The following GIMAP8 variants were observed in gnomAD, a reference collection of about 807,000 sequenced individuals.
The protein encoded by GIMAP8 is GTPase, IMAP family member 8, also known as GTPase IMAP family member 8.
A neutral mutation model predicts 35.6 loss-of-function variants in GIMAP8; 29 were observed. The ratio of observed to expected loss-of-function variants is 0.81; its 90% CI spans 0.61 to 1.11. The LOEUF is 1.11. Among genes scored for constraint, GIMAP8 ranks in the 50% most tolerant of loss-of-function variants. The pLI is 0.00. For synonymous variants in GIMAP8, 335 were observed against 308.7 expected (o/e 1.09, Z -0.89); for missense variants, 811 against 805.0 (o/e 1.01, Z -0.09).
intron 1 of GIMAP8, among the ~76,000 whole-genome samples, chr7:150,458,797 C>T (rs1801782374): frequency 6.6e-6 from 1 of 152,092 alleles, no homozygotes; most frequent in South Asian, 2.1e-4. Context: ...GTTAACCATA[C>T]TTAAATATTA....
Position 150,472,128 on chromosome 7 carries a change from T to C in GIMAP8, c.682+1254T>C, listed in dbSNP as rs1802107259. 6.6e-6 allele frequency among the ~76,000 whole-genome samples: 1 copy of C among 152,086 alleles called. No homozygotes were observed. The highest frequency in any genetic ancestry group is 2.1e-4 in the South Asian group (1 of 4,812). On this transcript the variant is annotated intron_variant, in intron 3 of 4. Transcript: ENST00000307271. This position sits in a 1 kb window ranked among gnomAD's most constrained non-coding sequence, Gnocchi z 4.1. ...GAACAAAAGTGCGTTTATTGACCTG[T>C]GGCTGTGAGGGCCCAGCACACCATG... is the stretch of plus-strand genomic sequence containing the variant.
rs992638461 is a variant in GIMAP8, at chr7:150,472,052, A to C, written c.682+1178A>C. Among the ~76,000 whole-genome samples the C allele has an allele frequency of 1.7e-3, 265 of 152,330 alleles. No homozygotes were observed. Among genetic ancestry groups the C allele is most frequent in the African/African-American group, 5.8e-3 (241 of 41,574 alleles). On this transcript the variant is annotated intron_variant, in intron 3 of 4. Coordinates refer to ENST00000307271, the MANE Select transcript of GIMAP8 (RefSeq NM_175571.4). The surrounding 1 kb of genome is among the most constrained non-coding windows in gnomAD (Gnocchi z 4.1). ...ACGTGTACTCAGGCAGAAGGGTTTCAAAATTCTGGCAATGCCCTTTGGCCG... is the reference window on the plus strand; with the variant it reads ...ACGTGTACTCAGGCAGAAGGGTTTCCAAATTCTGGCAATGCCCTTTGGCCG...
At chr7:150,473,298 C>G (rs1802136468) in intron 3 of GIMAP8, among the ~76,000 whole-genome samples, 2 of 151,998 alleles carry the variant, frequency 1.3e-5, no homozygotes, top group South Asian at 4.1e-4. Context: ...ACGATTTACA[C>G]AGAGTAAAAT....
intron 1 of GIMAP8, among the ~76,000 whole-genome samples, chr7:150,453,327 G>A: frequency 6.6e-6 from 1 of 152,198 alleles, no homozygotes; most frequent in African/African-American, 2.4e-5. Context: ...GAGGTTCTGA[G>A]GTGTCTGAAG....
Position 150,466,919 on chromosome 7 carries a change from C to G in GIMAP8, c.221C>G (p.Ala74Gly), listed in dbSNP as rs1801974775. The G allele has an allele frequency of 6.2e-7, 1 of 1,614,088 alleles. No homozygotes were observed. The highest frequency in any genetic ancestry group is 1.3e-5 in the African/African-American group (1 of 74,934). The change falls in exon 2 of 5, where the codon GCT becomes GGT. Residue 74 changes from alanine to glycine, a missense_variant. Ala to Gly is a moderately conservative substitution (Grantham distance 60). Coordinates refer to ENST00000307271, the MANE Select transcript of GIMAP8 (RefSeq NM_175571.4). ...ACCCCTGACCTTTTCTCCTCAATAG[C>G]TTGTGCTGAAGACAAGCAACGCAAC... ...IDTPDLFSSI[A>G]CAEDKQRNIQ...
At chr7:150,453,780 A>C (rs549258810) in intron 1 of GIMAP8, among the ~76,000 whole-genome samples, 103 of 152,050 alleles carry the variant, frequency 6.8e-4, no homozygotes, top group African/African-American at 2.4e-3. Flanking sequence ...GTGAAGGGTG[A>C]CAGTAGTGGG....
At chr7:150,455,565 G>A (rs1476983238) in intron 1 of GIMAP8, among the ~76,000 whole-genome samples, 1 of 152,172 alleles carries the variant, frequency 6.6e-6, no homozygotes, top group African/African-American at 2.4e-5. Context: ...GAGGAATCAT[G>A]GACTATTTAG....
At chr7:150,475,223 T>A (rs1215069810) in intron 4 of GIMAP8, among the ~76,000 whole-genome samples, 6 of 152,224 alleles carry the variant, frequency 3.9e-5, no homozygotes, top group African/African-American at 7.2e-5. Context: ...TCATTCTTTT[T>A]TATGGCTGCC....
intron 1 of GIMAP8, among the ~76,000 whole-genome samples, chr7:150,461,959 A>G (rs2116596151): frequency 6.6e-6 from 1 of 152,328 alleles, no homozygotes; most frequent in South Asian, 2.1e-4. Context: ...CCGAAAAAGG[A>G]GTCAGCAAAG....
intron 2 of GIMAP8, among the ~76,000 whole-genome samples, chr7:150,470,200 GATGGTTGAGGGTGTCA>G (rs1802057001): frequency 6.6e-6 from 1 of 152,156 alleles, no homozygotes; most frequent in African/African-American, 2.4e-5. Context: ...CAGGGAGAGG[GATGGTTGAGGGTGTCA>G]ATGATATTGG....
At chr7:150,474,703 A>G in intron 4 of GIMAP8, 65 bp downstream of exon 4, 1 of 1,040,438 alleles carries the variant, frequency 9.6e-7, no homozygotes. Flanking sequence ...AAAATATATA[A>G]GAACTTTTTA....
intron 4 of GIMAP8, among the ~76,000 whole-genome samples, chr7:150,475,895 G>C (rs1190696142): frequency 1.3e-5 from 2 of 152,128 alleles, no homozygotes; most frequent in Non-Finnish European, 2.9e-5. Flanking sequence ...TCACTTGTTA[G>C]GGGACAAAAA....
intron 1 of GIMAP8, among the ~76,000 whole-genome samples, chr7:150,455,178 A>C (rs1801703916): frequency 6.6e-6 from 1 of 151,148 alleles, no homozygotes; most frequent in Non-Finnish European, 1.5e-5. Flanking sequence ...AAACTGGTCA[A>C]CAAAAAAGAA....
chr7:150,459,602 C>T (rs1801802320), intron 1 of GIMAP8, among the ~76,000 whole-genome samples: 2 of 152,154 alleles, frequency 1.3e-5, no homozygotes, highest in South Asian at 2.1e-4. Context: ...GAGAACCTTG[C>T]CCCAGTCCTA....
chr7:150,466,597 T>C, intron 1 of GIMAP8, 74 bp from the exon 2 acceptor site: 1 of 1,312,174 alleles, frequency 7.6e-7, no homozygotes, highest in Non-Finnish European at 1.0e-6. Context: ...AAAAAGAGAA[T>C]GTCTTTTCTT....
chr7:150,468,194 C>T (rs996703048), intron 2 of GIMAP8, among the ~76,000 whole-genome samples: 1 of 152,194 alleles, frequency 6.6e-6, no homozygotes, highest in Admixed American at 6.5e-5. Context: ...CTTGCCTAAC[C>T]TATTTTAACG....
chr7:150,479,085 C>A lies in GIMAP8; in HGVS notation c.*1305C>A, dbSNP rs916760822. ...ATTAATACTTTTGGATTCCATATAA[C>A]CCTTAACACAATAACTTCTAGAAAA... is the stretch of plus-strand genomic sequence containing the variant. On this transcript the variant is annotated 3_prime_UTR_variant, in exon 5 of 5. Coordinates refer to ENST00000307271, the MANE Select transcript of GIMAP8 (RefSeq NM_175571.4). 1 of 152,146 alleles carries A rather than the reference C, an allele frequency of 6.6e-6. No homozygotes were observed. The highest frequency in any genetic ancestry group is 1.5e-5 in the Non-Finnish European group (1 of 68,044). 9.4% of individuals were successfully genotyped at this position (152,146 alleles called of 1,614,324 possible).
At position 150,477,329 on chromosome 7, in the gene GIMAP8, G is replaced by A. The variant is rs758582699; in HGVS notation, c.1547G>A (p.Arg516His). 4.0e-5 allele frequency: 64 copies of A among 1,614,062 alleles called. No individual in the cohort carries two copies. Among genetic ancestry groups the A allele is most frequent in the Non-Finnish European group, 5.3e-5 (62 of 1,180,032 alleles). The change falls in exon 5 of 5, where the codon CGC becomes CAC. Residue 516 changes from arginine to histidine, a missense_variant. Physicochemically the swap from Arg to His is conservative, Grantham distance 29. Coordinates refer to ENST00000307271, the MANE Select transcript of GIMAP8 (RefSeq NM_175571.4). ...DPSRLEEEVK[R>H]CLSCCEKGDT... ...TCCCGGTTAGAAGAGGAGGTCAAGC[G>A]CTGTTTGTCCTGCTGTGAAAAAGGG...
At position 150,467,060 on chromosome 7, in the gene GIMAP8, T is replaced by C; in HGVS notation, c.362T>C (p.Phe121Ser). The C allele has an allele frequency of 1.2e-6, 2 of 1,614,190 alleles. No homozygotes were observed. The highest frequency in any genetic ancestry group is 1.3e-5 in the African/African-American group (1 of 75,030). ...EETAKGIQQV[F>S]GAEARRHIII... Reference sequence around the variant, plus strand: ...ACAGCCAAGGGCATCCAACAAGTGTTTGGAGCTGAAGCCAGGAGGCACATC... The same window carrying C: ...ACAGCCAAGGGCATCCAACAAGTGTCTGGAGCTGAAGCCAGGAGGCACATC... Residue 121 changes from phenylalanine (F) to serine (S), a missense_variant, in exon 2 of 5, where the codon TTT becomes TCT. Coordinates refer to ENST00000307271, the MANE Select transcript of GIMAP8 (RefSeq NM_175571.4).
Sources: gnomAD v4.1 joint callset for allele counts (sites outside exome capture counted in the v4.1 genomes callset) on GRCh38, gnomAD v4.1.1 for gene constraint, Gnocchi (gnomAD v3.1) non-coding constraint, MANE v1.5 for transcripts, NCBI Gene and HGNC (gene_info 2026-07-23, HGNC 2026-07-21) for gene names.